SRP19: variants seen among roughly 807,000 people sequenced by gnomAD.
SRP19 encodes the protein signal recognition particle 19 kDa protein.
A neutral mutation model predicts 22.4 loss-of-function variants in SRP19; 11 were observed. That is an observed-to-expected ratio of 0.49 (90% CI 0.31 to 0.81). SRP19 has a LOEUF of 0.81. SRP19 is among the 40% of genes least tolerant of loss of function. The pLI is 0.05. For missense variants in SRP19, 168 were observed against 175.9 expected (o/e 0.96, Z 0.25); for synonymous variants, 61 against 57.6 (o/e 1.06, Z -0.27).
At chr5:112,878,731 A>G in intron 4 of SRP19, 1 of 1,605,848 alleles carries the variant, frequency 6.2e-7, no homozygotes. Context: ...CTAATATAAC[A>G]TCAAGCTCCA....
At chr5:112,893,070 A>G (rs377001833) in exon 5 of SRP19, 66 of 1,193,452 alleles carry the variant, frequency 5.5e-5, no homozygotes, top group East Asian at 3.4e-4. Context: ...AGAGTCCCCA[A>G]TCCAAATAAA....
downstream of SRP19, among the ~76,000 whole-genome samples, chr5:112,872,986 C>A (rs752137966): frequency 2.0e-5 from 3 of 151,900 alleles, no homozygotes; most frequent in African/African-American, 4.8e-5. Context: ...TTTTGGTCTT[C>A]TGACCTCTTG....
Position 112,868,028 on chromosome 5 carries a change from T to A in SRP19, c.*491T>A. 4 of 986,058 alleles carry A rather than the reference T, an allele frequency of 4.1e-6. No individual in the cohort carries two copies. Among genetic ancestry groups the A allele is most frequent in the Non-Finnish European group, 4.8e-6 (4 of 830,346 alleles). The allele number at this position is 986,058 out of a possible 1,614,324, so 61.1% of individuals were successfully genotyped here. A position where few individuals can be genotyped will look rare whatever the true frequency, so the allele number is the denominator to read the frequency against. ...TAGAAGAAACTGTGGTAGGTCCTTT[T>A]GTGGGTGGGGGACAGGGGAGTCTGT... is the stretch of plus-strand genomic sequence containing the variant. On this transcript the variant is annotated 3_prime_UTR_variant, in exon 5 of 5. Coordinates refer to ENST00000505459, the MANE Select transcript of SRP19 (RefSeq NM_003135.3).
exon 5 of SRP19, chr5:112,892,584 G>T (rs183322512): frequency 1.5e-5 from 25 of 1,614,150 alleles, no homozygotes; most frequent in Non-Finnish European, 2.1e-5. Context: ...GGAAAATGGC[G>T]ATTTGTGGTT....
chr5:112,891,937 G>C, exon 5 of SRP19: 13 of 1,241,134 alleles, frequency 1.0e-5, no homozygotes, highest in East Asian at 2.3e-5. Flanking sequence ...AAAGGAAGAG[G>C]CGGCTAAAAA....
At chr5:112,891,184 T>C (rs952107100) in intron 4 of SRP19, among the ~76,000 whole-genome samples, 1 of 152,038 alleles carries the variant, frequency 6.6e-6, no homozygotes, top group Admixed American at 6.6e-5. Context: ...GCAGTTCTCC[T>C]GCCTCAGCCT....
intron 4 of SRP19, among the ~76,000 whole-genome samples, chr5:112,879,685 C>T (rs926848203): frequency 2.0e-5 from 3 of 151,998 alleles, no homozygotes; most frequent in Non-Finnish European, 4.4e-5. Flanking sequence ...ACTGTGTTAG[C>T]CAGGATGGTC....
intron 4 of SRP19, 97 bp downstream of exon 4, chr5:112,864,829 G>A: frequency 3.4e-6 from 3 of 882,098 alleles, no homozygotes; most frequent in East Asian, 2.5e-5. Flanking sequence ...GTCAGAATTT[G>A]CATTCTGAAG....
At chr5:112,862,142 A>T (rs892231842) in intron 1 of SRP19, among the ~76,000 whole-genome samples, 2 of 152,214 alleles carry the variant, frequency 1.3e-5, no homozygotes, top group African/African-American at 4.8e-5. Flanking sequence ...ATTTTAAACA[A>T]AAGTACACTC....
At chr5:112,892,033 C>G (rs1554093469) in exon 5 of SRP19, 6 of 1,420,594 alleles carry the variant, frequency 4.2e-6, no homozygotes, top group South Asian at 1.1e-5. Flanking sequence ...GCAGAAACAA[C>G]AGGAGAAGAA....
chr5:112,868,994 G>T lies in SRP19; in HGVS notation c.*1457G>T, dbSNP rs1231253697. 6.6e-6 allele frequency: 1 copy of T among 152,146 alleles called. No individual in the cohort carries two copies. Among genetic ancestry groups the T allele is most frequent in the East Asian group, 1.9e-4 (1 of 5,198 alleles). 9.4% of individuals were successfully genotyped at this position (152,146 alleles called of 1,614,324 possible). A position where few individuals can be genotyped will look rare whatever the true frequency, so the allele number is the denominator to read the frequency against. On this transcript the variant is annotated 3_prime_UTR_variant, in exon 5 of 5. Coordinates refer to ENST00000505459, the MANE Select transcript of SRP19 (RefSeq NM_003135.3). ...TTACAAATAAATCCTGGGGAGAGGG[G>T]AGTATGTGTAAAACATAATTCAGAG...
intron 4 of SRP19, among the ~76,000 whole-genome samples, chr5:112,879,336 G>A (rs1466733339): frequency 6.9e-5 from 4 of 57,646 alleles, no homozygotes; most frequent in African/African-American, 2.8e-4. Context: ...GGGGGGGGGG[G>A]CTGGGGGGGC....
At chr5:112,895,349 T>C (rs1344160515), downstream of SRP19, 1 of 151,840 alleles carries the variant, frequency 6.6e-6, no homozygotes, top group Non-Finnish European at 1.5e-5. Flanking sequence ...AGTCACAAAT[T>C]AATGTACTTG....
downstream of SRP19, chr5:112,897,457 A>G (rs1286088946): frequency 6.6e-6 from 1 of 152,184 alleles, no homozygotes; most frequent in Non-Finnish European, 1.5e-5. Context: ...CCAGATGTAG[A>G]ACAGAATCTG....
chr5:112,870,879 C>T (rs1022544891), downstream of SRP19, among the ~76,000 whole-genome samples: 1 of 152,124 alleles, frequency 6.6e-6, no homozygotes, highest in African/African-American at 2.4e-5. Flanking sequence ...TAATCATGAG[C>T]CAAATACACA....
chr5:112,863,228 T>C (rs1361852609), intron 2 of SRP19, among the ~76,000 whole-genome samples: 1 of 152,238 alleles, frequency 6.6e-6, no homozygotes, highest in East Asian at 1.9e-4. Context: ...TAGATTACTT[T>C]TGCTGCTTTT....
chr5:112,891,515 C>T, intron 4 of SRP19: 1 of 1,381,074 alleles, frequency 7.2e-7, no homozygotes, highest in East Asian at 2.6e-5. Context: ...AGTATGCAAA[C>T]AAAACAATAC....
intron 1 of SRP19, 43 bp downstream of exon 1, chr5:112,861,460 C>T (rs753911790): frequency 6.2e-7 from 1 of 1,603,044 alleles, no homozygotes; most frequent in Non-Finnish European, 8.5e-7. Context: ...AAGGGGCTTG[C>T]TGTGGTGCTG....
rs771222930 is a variant in SRP19 at position 112,862,554 on chromosome 5, G to A, written c.88G>A (p.Ala30Thr). ...TTATTTAAATAATAAGAAGACCATC[G>A]CAGAGGGAAGGCGAATCCCCATAAG... ...PAYLNNKKTIAEGRRIPISKA... is the reference protein window; with the variant it reads ...PAYLNNKKTITEGRRIPISKA... The change falls in exon 2 of 5, where the codon GCA becomes ACA. Residue 30 changes from alanine to threonine, a missense_variant. Physicochemically the swap from Ala to Thr is moderately conservative, Grantham distance 58. Transcript: ENST00000505459. 3 of 1,613,754 alleles carry A rather than the reference G, an allele frequency of 1.9e-6. No individual in the cohort carries two copies. Among genetic ancestry groups the A allele is most frequent in the East Asian group, 2.2e-5 (1 of 44,894 alleles).
Sources: allele counts gnomAD v4.1 joint callset (sites outside exome capture counted in the v4.1 genomes callset), GRCh38; gene constraint gnomAD v4.1.1; transcripts MANE v1.5; gene names NCBI Gene and HGNC (gene_info 2026-07-23, HGNC 2026-07-21).